SRPRB: variants seen among roughly 807,000 people sequenced by gnomAD.
SRPRB encodes SRP receptor subunit beta.
SRPRB carries 20 observed loss-of-function variants against 31.9 expected under a neutral mutation model. That is an observed-to-expected ratio of 0.63 (90% CI 0.44 to 0.91). SRPRB has a LOEUF of 0.91. SRPRB is among the 40% of genes least tolerant of loss of function. SRPRB has a pLI of 0.00. For missense variants in SRPRB, 321 were observed against 324.9 expected (o/e 0.99, Z 0.09); for synonymous variants, 146 against 132.8 (o/e 1.10, Z -0.68).
upstream of SRPRB, among the ~76,000 whole-genome samples, chr3:133,800,885 TAACGTGTTCG>T (rs1935051341): frequency 2.0e-5 from 3 of 152,202 alleles, no homozygotes; most frequent in Non-Finnish European, 4.4e-5. Context: ...TCTTTAAAAA[TAACGTGTTCG>T]TTTGTATTTA....
intron 6 of SRPRB, among the ~76,000 whole-genome samples, chr3:133,818,270 C>T (rs117494330): frequency 6.6e-6 from 1 of 152,180 alleles, no homozygotes; most frequent in Admixed American, 6.5e-5. Context: ...ACAGTACAGT[C>T]CAAGTCTCCC....
chr3:133,784,485 A>T (rs1425280759), intron 1 of SRPRB: 1 of 145,094 alleles, frequency 6.9e-6, no homozygotes, highest in Admixed American at 6.8e-5. Flanking sequence ...AATAATAATA[A>T]TAATAATAAT....
At chr3:133,811,487 A>G (rs572743507) in intron 4 of SRPRB, among the ~76,000 whole-genome samples, 4 of 152,344 alleles carry the variant, frequency 2.6e-5, no homozygotes, top group African/African-American at 7.2e-5. Flanking sequence ...TGAATTTAAT[A>G]ATGTATATGA....
downstream of SRPRB, chr3:133,825,008 A>G (rs75876017): frequency 2.6e-5 from 4 of 152,196 alleles, no homozygotes; most frequent in Non-Finnish European, 5.9e-5. Context: ...TCTGCTTCAC[A>G]TAGCTGTAAC....
intron 4 of SRPRB, among the ~76,000 whole-genome samples, chr3:133,811,456 T>C (rs1935260693): frequency 6.6e-6 from 1 of 152,234 alleles, no homozygotes; most frequent in Non-Finnish European, 1.5e-5. Context: ...TGTTACTAAA[T>C]GTTTGCATTT....
chr3:133,823,093 G>A (rs1392997834), downstream of SRPRB, among the ~76,000 whole-genome samples: 1 of 152,176 alleles, frequency 6.6e-6, no homozygotes, highest in African/African-American at 2.4e-5. Flanking sequence ...CTCCATCACT[G>A]CTGCACTTGA....
intron 3 of SRPRB, chr3:133,810,345 G>A (rs913242342): frequency 5.3e-5 from 8 of 152,180 alleles, no homozygotes; most frequent in African/African-American, 1.9e-4. Flanking sequence ...AAGAAATGAT[G>A]GTCTGCTGCA....
In SRPRB at chr3:133,806,636, G is replaced by A. The variant is rs746878117; in HGVS notation, c.182G>A (p.Arg61Lys). Residue 61 changes from arginine (R) to lysine (K), a missense_variant, in exon 2 of 7, where the codon AGG (arginine) becomes AAG (lysine). Coordinates refer to ENST00000678299, the MANE Select transcript of SRPRB (RefSeq NM_001379313.1). The part of the protein sequence containing the change: ...LVFWKLIRSR[R>K]SSQRAVLLVG... Reference sequence around the variant, plus strand: ...TTCTGGAAGTTAATCCGGAGCAGAAGGAGCAGTCAGAGAGCTGTTCTTCTT... The same window carrying A: ...TTCTGGAAGTTAATCCGGAGCAGAAAGAGCAGTCAGAGAGCTGTTCTTCTT... 3.1e-6 allele frequency: 5 copies of A among 1,614,172 alleles called. No homozygotes were observed. The highest frequency in any genetic ancestry group is 4.2e-6 in the Non-Finnish European group (5 of 1,179,994).
upstream of SRPRB, among the ~76,000 whole-genome samples, chr3:133,803,133 C>T (rs1935086851): frequency 6.6e-6 from 1 of 152,198 alleles, no homozygotes; most frequent in Non-Finnish European, 1.5e-5. Context: ...TGCCTAAATA[C>T]TGCATCTTTT....
At chr3:133,808,938 C>T (rs1184834064) in intron 3 of SRPRB, among the ~76,000 whole-genome samples, 1 of 151,226 alleles carries the variant, frequency 6.6e-6, no homozygotes, top group East Asian at 2.0e-4. Flanking sequence ...ATTTTACATA[C>T]CTCTGTAACT....
At chr3:133,828,451 C>A, downstream of SRPRB, 1 of 397,904 alleles carries the variant, frequency 2.5e-6, no homozygotes, top group Non-Finnish European at 4.5e-6. Flanking sequence ...ACAAAAAGCA[C>A]ATCTTTCAAA....
At chr3:133,803,763 C>T (rs866832525), upstream of SRPRB, among the ~76,000 whole-genome samples, 1 of 151,316 alleles carries the variant, frequency 6.6e-6, no homozygotes, top group Non-Finnish European at 1.5e-5. Flanking sequence ...AATTCCTGGG[C>T]TCAAGCGCTC....
chr3:133,819,844 G>A lies in SRPRB; in HGVS notation c.*78G>A. ...AGGTCTGTGGTAGTCTGGAGTTGATGAGGAAGGGGTACAAGATGTGGTTAG... is the reference window on the plus strand; with the variant it reads ...AGGTCTGTGGTAGTCTGGAGTTGATAAGGAAGGGGTACAAGATGTGGTTAG... On this transcript the variant is annotated 3_prime_UTR_variant, in exon 7 of 7. Coordinates refer to ENST00000678299, the MANE Select transcript of SRPRB (RefSeq NM_001379313.1). 3 of 1,281,548 alleles carry A rather than the reference G, an allele frequency of 2.3e-6. No individual in the cohort carries two copies. Among genetic ancestry groups the A allele is most frequent in the Non-Finnish European group, 3.3e-6 (3 of 901,876 alleles). The allele number at this position is 1,281,548 out of a possible 1,614,324, so 79.4% of individuals were successfully genotyped here.
chr3:133,827,787 C>A, downstream of SRPRB: 2 of 301,914 alleles, frequency 6.6e-6, no homozygotes, highest in South Asian at 2.7e-5. Context: ...AGGATCAACT[C>A]CAGGTGGTCC....
chr3:133,819,568 T>C lies in SRPRB; in HGVS notation c.618T>C (p.Val206=). Residue 206 remains valine, a synonymous_variant, in exon 7 of 7, where the codon GTT becomes GTC. Coordinates refer to ENST00000678299, the MANE Select transcript of SRPRB (RefSeq NM_001379313.1). The part of the protein sequence containing the change: ...QLEKELNTLR[V]TRSAAPSTLD... ...TGCCCCACAGCAACACCTTACGAGTTACCCGTTCTGCTGCCCCCAGCACAC... is the reference window on the plus strand; with the variant it reads ...TGCCCCACAGCAACACCTTACGAGTCACCCGTTCTGCTGCCCCCAGCACAC... 1.2e-6 allele frequency: 2 copies of C among 1,613,884 alleles called. No homozygotes were observed. The highest frequency in any genetic ancestry group is 2.2e-5 in the South Asian group (2 of 91,088).
At chr3:133,807,676 T>C (rs1027771602) in intron 2 of SRPRB, 70 bp from the exon 3 acceptor site, 2 of 1,040,808 alleles carry the variant, frequency 1.9e-6, no homozygotes, top group African/African-American at 3.2e-5. Context: ...CTGGGAGACT[T>C]AGAATAATAT....
At position 133,784,473 on chromosome 3, in the gene SRPRB, ATAATAATAAT is replaced by A. The variant is rs1196741958; in HGVS notation, c.-174+330_-174+339del. 52 of 135,714 alleles carry A rather than the reference ATAATAATAAT, an allele frequency of 3.8e-4. 1 individual carries two copies. The highest frequency in any genetic ancestry group is 1.4e-3 in the African/African-American group (52 of 37,106). 8.4% of individuals were successfully genotyped at this position (135,714 alleles called of 1,614,324 possible). A position where few individuals can be genotyped will look rare whatever the true frequency, so the allele number is the denominator to read the frequency against. ...TTGTAAATTCCCATTTGTTAAAAAAATAATAATAATAATAATAATAATAATAATAATAATA... is the reference window on the plus strand; with the variant it reads ...TTGTAAATTCCCATTTGTTAAAAAAAAATAATAATAATAATAATAATAATA... On this transcript the variant is annotated intron_variant, in intron 1 of 7. Coordinates refer to the SRPRB transcript ENST00000466490.
upstream of SRPRB, among the ~76,000 whole-genome samples, chr3:133,804,309 C>A (rs1198645889): frequency 6.6e-6 from 1 of 151,638 alleles, no homozygotes; most frequent in Non-Finnish European, 1.5e-5. Flanking sequence ...TTGTGTGGCC[C>A]TGAGTGGTAT....
chr3:133,827,846 A>T (rs992343962), downstream of SRPRB: 1 of 633,840 alleles, frequency 1.6e-6, no homozygotes, highest in Non-Finnish European at 2.9e-6. Context: ...ACACTGCCCA[A>T]CATCACACAC....
Sources: allele counts gnomAD v4.1 joint callset (sites outside exome capture counted in the v4.1 genomes callset), GRCh38; gene constraint gnomAD v4.1.1; transcripts MANE v1.5; gene names NCBI Gene and HGNC (gene_info 2026-07-23, HGNC 2026-07-21).